Variants in ZBTB20 observed in about 807,000 individuals in gnomAD.
ZBTB20 encodes the protein zinc finger and BTB domain containing 20, also known as zinc finger and BTB domain-containing protein 20.
A neutral mutation model predicts 56.9 loss-of-function variants in ZBTB20; 9 were observed. That is an observed-to-expected ratio of 0.16 (90% CI 0.10 to 0.28). ZBTB20 has a LOEUF of 0.28. ZBTB20 is among the 10% of genes least tolerant of loss of function. The probability of loss-of-function intolerance (pLI) is 1.00; values close to 1 mark genes in which losing one functional copy is unlikely to be tolerated. For missense variants in ZBTB20, 655 were observed against 1,003.0 expected, an observed-to-expected ratio of 0.65 and a Z score of 4.69; for synonymous variants, 417 against 420.7, an observed-to-expected ratio of 0.99 and a Z score of 0.11.
At chr3:114,877,897 T>C (rs1021523529) in intron 4 of ZBTB20, among the ~76,000 whole-genome samples, 1 of 152,176 alleles carries the variant, frequency 6.6e-6, no homozygotes, top group African/African-American at 2.4e-5. Flanking sequence ...GAAATGGCTC[T>C]GTATTGTACT....
intron 6 of ZBTB20, among the ~76,000 whole-genome samples, chr3:114,649,493 A>G (rs2107984762): frequency 6.6e-6 from 1 of 152,106 alleles, no homozygotes; most frequent in Admixed American, 6.6e-5. Context: ...AAGAGTGCAT[A>G]ATGGACTCAA....
At chr3:114,664,686 G>A (rs2060948123) in intron 6 of ZBTB20, among the ~76,000 whole-genome samples, 1 of 151,886 alleles carries the variant, frequency 6.6e-6, no homozygotes, top group South Asian at 2.1e-4. Context: ...CCACTGAGCA[G>A]CTGCTTTATA....
In ZBTB20 at chr3:114,681,330, T is replaced by A. The variant is rs373771179; in HGVS notation, c.-295+12198A>T. The stretch of plus-strand genomic sequence containing the variant: ...CGTGTGCCACCACGCCCGGTTAATT[T>A]TTGTATTGTTAGTAGAGTTGGGGTT... On this transcript the variant is annotated intron_variant, in intron 6 of 11. Transcript: ENST00000675478. Among the ~76,000 whole-genome samples the A allele has an allele frequency of 3.3e-5, 5 of 151,824 alleles. No homozygotes were observed. In the East Asian group the frequency reaches 5.8e-4, roughly 18 times the overall value.
chr3:115,131,136 T>C (rs1229808721), intron 1 of ZBTB20, among the ~76,000 whole-genome samples: 1 of 152,188 alleles, frequency 6.6e-6, no homozygotes, highest in Non-Finnish European at 1.5e-5. Context: ...TTTGAACATG[T>C]TTTTAGCACA....
chr3:114,344,139 T>A (rs1256001196), intron 11 of ZBTB20, among the ~76,000 whole-genome samples: 1 of 152,200 alleles, frequency 6.6e-6, no homozygotes, highest in African/African-American at 2.4e-5. Flanking sequence ...GTGATCCTGT[T>A]GCCAGCTTGG....
intron 4 of ZBTB20, among the ~76,000 whole-genome samples, chr3:114,856,476 A>C (rs1281089033): frequency 6.6e-6 from 1 of 152,204 alleles, no homozygotes; most frequent in African/African-American, 2.4e-5. Context: ...AATTTCTGGA[A>C]GCTGCATTGG....
intron 7 of ZBTB20, among the ~76,000 whole-genome samples, chr3:114,437,312 C>T (rs547951397): frequency 6.6e-6 from 1 of 152,236 alleles, no homozygotes; most frequent in South Asian, 2.1e-4. Flanking sequence ...TCTGTTGCTC[C>T]ATGGTTGTGC....
chr3:114,824,941 T>G (rs2073446477), intron 4 of ZBTB20, among the ~76,000 whole-genome samples: 1 of 151,982 alleles, frequency 6.6e-6, no homozygotes, highest in Admixed American at 6.6e-5. Context: ...TTGAATTAAT[T>G]TTTGTAATTT....
intron 8 of ZBTB20, among the ~76,000 whole-genome samples, chr3:114,385,896 C>T (rs759822966): frequency 1.3e-5 from 2 of 152,160 alleles, no homozygotes; most frequent in South Asian, 2.1e-4. Flanking sequence ...TTTCAGTAAT[C>T]TGTTTAGATA....
At position 115,044,162 on chromosome 3, in the gene ZBTB20, T is replaced by A. The variant is rs569789969; in HGVS notation, c.-507+27057A>T. Among the ~76,000 whole-genome samples the A allele has an allele frequency of 3.9e-5, 6 of 152,310 alleles. No homozygotes were observed. In the South Asian group the frequency reaches 1.2e-3, roughly 32 times the overall value. ...AATTAAACCTCTTTTCTTTATAAAT[T>A]AACTTGCTTCAGGTATTTCTTTATA... On this transcript the variant is annotated intron_variant, in intron 2 of 11. Transcript: ENST00000675478.
chr3:115,092,210 G>A (rs1281536792), intron 1 of ZBTB20, among the ~76,000 whole-genome samples: 1 of 152,044 alleles, frequency 6.6e-6, no homozygotes, highest in East Asian at 1.9e-4. Flanking sequence ...TACGAAATCA[G>A]GGCCTGAAAC....
chr3:114,412,044 G>T lies in ZBTB20; in HGVS notation c.-254-22939C>A, dbSNP rs534281646. 3.9e-5 allele frequency among the ~76,000 whole-genome samples: 6 copies of T among 152,236 alleles called. No individual in the cohort carries two copies. The East Asian group carries it at 9.7e-4, about 25-fold the overall frequency. On this transcript the variant is annotated intron_variant, in intron 7 of 11. Coordinates refer to ENST00000675478, the MANE Select transcript of ZBTB20 (RefSeq NM_001348800.3). ...TCCACAAGAGGTCAGGGCAACTTCA[G>T]TACAAGCAAGTATAATGCAGTACAT...
At chr3:115,023,287 T>C (rs1229210814) in intron 2 of ZBTB20, among the ~76,000 whole-genome samples, 2 of 150,970 alleles carry the variant, frequency 1.3e-5, no homozygotes, top group Non-Finnish European at 3.0e-5. Flanking sequence ...ATTCATAGCT[T>C]ACACAGTAAA....
In ZBTB20 at chr3:114,338,904, G is replaced by T. The variant is rs531158996; in HGVS notation, c.*101C>A. ...AAAAACAAAAACAGAAAGTAAAAAT[G>T]AAACCAAAACATTTCTTAAATTCTA... On this transcript the variant is annotated 3_prime_UTR_variant, in exon 12 of 12. Coordinates refer to ENST00000675478, the MANE Select transcript of ZBTB20 (RefSeq NM_001348800.3). 24 of 1,367,578 alleles carry T rather than the reference G, an allele frequency of 1.8e-5. No homozygotes were observed. Among genetic ancestry groups the T allele is most frequent in the Non-Finnish European group, 2.2e-5 (23 of 1,026,640 alleles). The allele number at this position is 1,367,578 out of a possible 1,614,324, so 84.7% of individuals were successfully genotyped here. A position where few individuals can be genotyped will look rare whatever the true frequency, so the allele number is the denominator to read the frequency against.
At chr3:114,450,544 T>C (rs1373344081) in intron 7 of ZBTB20, among the ~76,000 whole-genome samples, 1 of 152,174 alleles carries the variant, frequency 6.6e-6, no homozygotes, top group Non-Finnish European at 1.5e-5. Flanking sequence ...TTAAGGTCTG[T>C]AAAAAATAAT....
chr3:114,653,015 A>G (rs2060212471), intron 6 of ZBTB20, among the ~76,000 whole-genome samples: 1 of 151,934 alleles, frequency 6.6e-6, no homozygotes. Flanking sequence ...ATGCACTGTT[A>G]GCTCTATTAG....
chr3:114,450,144 C>T (rs1346267730), intron 7 of ZBTB20, among the ~76,000 whole-genome samples: 1 of 152,160 alleles, frequency 6.6e-6, no homozygotes, highest in African/African-American at 2.4e-5. Flanking sequence ...AGTAGACTCA[C>T]AGAAGGTGCC....
In ZBTB20 at chr3:114,911,009, A is replaced by G. The variant is rs141558215; in HGVS notation, c.-455-10667T>C. ...TTGGGAATTTTTAACCTTTCTTCTT[A>G]AAGTCTTTAAATATTTTCTCTGTCC... On this transcript the variant is annotated intron_variant, in intron 3 of 11. Coordinates refer to ENST00000675478, the MANE Select transcript of ZBTB20 (RefSeq NM_001348800.3). Among the ~76,000 whole-genome samples the G allele has an allele frequency of 2.1e-3, 313 of 152,146 alleles. 2 individuals are homozygous for G. The highest frequency in any genetic ancestry group is 6.7e-3 in the African/African-American group (279 of 41,518).
At chr3:114,857,467 CT>C in intron 4 of ZBTB20, among the ~76,000 whole-genome samples, 1 of 152,300 alleles carries the variant, frequency 6.6e-6, no homozygotes, top group Middle Eastern at 3.4e-3. Context: ...TAGGGAAGTA[CT>C]TCCCCTTGGT....
Sources: gnomAD v4.1 joint callset for allele counts (sites outside exome capture counted in the v4.1 genomes callset) on GRCh38, gnomAD v4.1.1 for gene constraint, MANE v1.5 for transcripts, NCBI Gene and HGNC (gene_info 2026-07-23, HGNC 2026-07-21) for gene names.